Variants in SYT14 observed in about 807,000 individuals in gnomAD.
The protein encoded by SYT14 is synaptotagmin 14.
SYT14 carries 32 observed loss-of-function variants against 74.2 expected under a neutral mutation model. The observed-to-expected ratio is 0.43, with a 90% confidence interval of 0.33 to 0.58. SYT14 has a LOEUF of 0.58. Among genes scored for constraint, SYT14 ranks in the 20% least tolerant of loss-of-function variants. The probability of loss-of-function intolerance (pLI) is 0.05; values close to 1 mark genes in which losing one functional copy is unlikely to be tolerated. For missense variants in SYT14, 791 were observed against 981.8 expected (o/e 0.81, Z 2.60); for synonymous variants, 298 against 337.7 (o/e 0.88, Z 1.29).
chr1:210,161,590 C>T lies in SYT14; in HGVS notation c.*548C>T, dbSNP rs555927580. 101 of 454,014 alleles carry T rather than the reference C, an allele frequency of 2.2e-4. 1 individual carries two copies. Among genetic ancestry groups the T allele is most frequent in the African/African-American group, 1.8e-3 (92 of 50,130 alleles). The allele number at this position is 454,014 out of a possible 1,614,324, so 28.1% of individuals were successfully genotyped here. ...ATTTCAGGCATGTTCCCTTTGTGCACTTAGGTTCATTGTGCCTCAGTTCCT... is the reference window on the plus strand; with the variant it reads ...ATTTCAGGCATGTTCCCTTTGTGCATTTAGGTTCATTGTGCCTCAGTTCCT... On this transcript the variant is annotated 3_prime_UTR_variant, in exon 10 of 10. Transcript: ENST00000637265.
chr1:210,044,345 T>C (rs1373717534), intron 5 of SYT14, among the ~76,000 whole-genome samples: 1 of 152,244 alleles, frequency 6.6e-6, no homozygotes, highest in Non-Finnish European at 1.5e-5. Flanking sequence ...GTAAAGACCC[T>C]TGTGTTTTAC....
intron 7 of SYT14, among the ~76,000 whole-genome samples, chr1:210,126,875 A>G (rs2082579975): frequency 6.6e-6 from 1 of 152,180 alleles, no homozygotes; most frequent in African/African-American, 2.4e-5. Flanking sequence ...TGTATCATGA[A>G]ATATGTTAAC....
intron 7 of SYT14, among the ~76,000 whole-genome samples, chr1:210,136,299 G>A (rs748925918): frequency 6.6e-6 from 1 of 152,104 alleles, no homozygotes; most frequent in Non-Finnish European, 1.5e-5. Context: ...AGAGAGAGAA[G>A]CAGGAGGCAG....
chr1:210,016,417 T>C (rs1404561837), exon 4 of SYT14: 5 of 1,231,954 alleles, frequency 4.1e-6, no homozygotes, highest in Non-Finnish European at 5.1e-6. Context: ...CTGGTAATAC[T>C]GGTGATTCTT....
chr1:210,065,968 C>T lies in SYT14; in HGVS notation c.1313-28354C>T, dbSNP rs564643936. Among the ~76,000 whole-genome samples, 47 of 150,944 alleles carry T rather than the reference C, an allele frequency of 3.1e-4. No homozygotes were observed. In the South Asian group the frequency reaches 9.3e-3, roughly 30 times the overall value. ...TTCAATTCCCACCTATGAGTGAGAACGTGTGGCGTTTGGTTTTTTGTCCTT... is the reference window on the plus strand; with the variant it reads ...TTCAATTCCCACCTATGAGTGAGAATGTGTGGCGTTTGGTTTTTTGTCCTT... On this transcript the variant is annotated intron_variant, in intron 5 of 9. Transcript: ENST00000637265.
chr1:209,974,074 T>C (rs2079311579), intron 2 of SYT14, among the ~76,000 whole-genome samples: 1 of 152,114 alleles, frequency 6.6e-6, no homozygotes, highest in South Asian at 2.1e-4. Context: ...TTTTTCCTTG[T>C]AAATTTGTTT....
intron 2 of SYT14, among the ~76,000 whole-genome samples, chr1:209,990,527 A>ATATATATATATATACG (rs1553262320): frequency 7.8e-5 from 1 of 12,818 alleles, no homozygotes; most frequent in African/African-American, 3.1e-4. Context: ...TATTTCACAT[A>ATATATATATATATACG]TATATATATA....
intron 5 of SYT14, among the ~76,000 whole-genome samples, chr1:210,079,112 G>A (rs891681865): frequency 2.0e-5 from 3 of 151,300 alleles, no homozygotes; most frequent in African/African-American, 7.3e-5. Flanking sequence ...TTTTTTTTTA[G>A]CCTGAGTAGA....
In SYT14 at chr1:210,135,685, G is replaced by C. The variant is rs537530868; in HGVS notation, c.2035-20036G>C. ...AGATATTGTGGATTATACATTGTTG[G>C]GTGCTAAATTATTTTGTTTTCTCTT... On this transcript the variant is annotated intron_variant, in intron 7 of 9. Coordinates refer to ENST00000637265, the Ensembl canonical transcript of SYT14. 3.3e-5 allele frequency among the ~76,000 whole-genome samples: 5 copies of C among 152,138 alleles called. No homozygotes were observed. The East Asian group carries it at 9.7e-4, about 29-fold the overall frequency.
chr1:209,944,822 CATTTA>C (rs2078796613), intron 1 of SYT14, among the ~76,000 whole-genome samples: 1 of 151,048 alleles, frequency 6.6e-6, no homozygotes, highest in Admixed American at 6.6e-5. Context: ...GAAAGTTAAA[CATTTA>C]TTTTGGAATA....
chr1:210,149,246 A>G (rs1314143729), intron 7 of SYT14, among the ~76,000 whole-genome samples: 5 of 139,580 alleles, frequency 3.6e-5, no homozygotes, highest in African/African-American at 1.1e-4. Context: ...GTACAATGGC[A>G]TGATGTCGGC....
chr1:210,007,969 A>T (rs2080019761), intron 2 of SYT14, among the ~76,000 whole-genome samples: 1 of 152,250 alleles, frequency 6.6e-6, no homozygotes, highest in Non-Finnish European at 1.5e-5. Flanking sequence ...AGAGATTAGC[A>T]GTTAACAGTT....
At chr1:210,105,277 G>T (rs2082138997) in intron 7 of SYT14, among the ~76,000 whole-genome samples, 3 of 152,208 alleles carry the variant, frequency 2.0e-5, no homozygotes, top group African/African-American at 7.2e-5. Flanking sequence ...CATGTAGCCT[G>T]CTTTGGTAAG....
At chr1:210,063,170 A>T (rs2081237118) in intron 5 of SYT14, among the ~76,000 whole-genome samples, 1 of 151,232 alleles carries the variant, frequency 6.6e-6, no homozygotes, top group Admixed American at 6.6e-5. Context: ...AATTTTGTTC[A>T]TGTTTTCTTC....
At chr1:209,985,088 T>C (rs1313538420) in intron 2 of SYT14, among the ~76,000 whole-genome samples, 3 of 152,224 alleles carry the variant, frequency 2.0e-5, no homozygotes, top group African/African-American at 7.2e-5. Context: ...CATGTCCTTC[T>C]CATGTTGCTA....
chr1:209,942,358 T>C (rs2078746899), intron 1 of SYT14, among the ~76,000 whole-genome samples: 2 of 98,662 alleles, frequency 2.0e-5, no homozygotes, highest in Admixed American at 1.4e-4. Flanking sequence ...CCATGCAAAT[T>C]TACCCCCCCC....
chr1:209,973,908 T>A (rs905736127), intron 2 of SYT14, among the ~76,000 whole-genome samples: 9 of 152,212 alleles, frequency 5.9e-5, no homozygotes, highest in Non-Finnish European at 1.2e-4. Flanking sequence ...CCATTCTAAC[T>A]GGTGTGAGAT....
exon 10 of SYT14, chr1:210,170,204 T>C (rs573833171): frequency 1.3e-4 from 20 of 152,302 alleles, no homozygotes; most frequent in African/African-American, 4.8e-4. Context: ...ATGGATCTTA[T>C]TAGTATAAAC....
At chr1:209,976,453 C>T (rs565579086) in intron 2 of SYT14, among the ~76,000 whole-genome samples, 15 of 152,122 alleles carry the variant, frequency 9.9e-5, no homozygotes, top group Admixed American at 2.0e-4. Flanking sequence ...GCCTTCATTT[C>T]GTTATGTACC....
Sources: gnomAD v4.1 joint callset for allele counts (sites outside exome capture counted in the v4.1 genomes callset) on GRCh38, gnomAD v4.1.1 for gene constraint, MANE v1.5 for transcripts, NCBI Gene and HGNC (gene_info 2026-07-23, HGNC 2026-07-21) for gene names.